The following COL15A1 variants were observed in gnomAD, a reference collection of about 807,000 sequenced individuals.
COL15A1 encodes collagen alpha-1(XV) chain.
In COL15A1, 111 loss-of-function variants were observed where a neutral mutation model predicts 165.9. That is an observed-to-expected ratio of 0.67 (90% CI 0.57 to 0.78). The LOEUF is 0.78. COL15A1 is among the 30% of genes least tolerant of loss of function. The pLI, the probability that COL15A1 is intolerant of heterozygous loss-of-function variation, is 0.00. For synonymous variants in COL15A1, 659 were observed against 674.8 expected, an observed-to-expected ratio of 0.98 and a Z score of 0.36; for missense variants, 1,745 against 1,789.7, an observed-to-expected ratio of 0.98 and a Z score of 0.45.
At chr9:99,065,146 C>T (rs1409309959) in intron 39 of COL15A1, among the ~76,000 whole-genome samples, 1 of 152,230 alleles carries the variant, frequency 6.6e-6, no homozygotes, top group African/African-American at 2.4e-5. Flanking sequence ...CCAATCTCGT[C>T]ATTCAGAAAC....
chr9:98,976,871 C>T (rs947147334), intron 2 of COL15A1, among the ~76,000 whole-genome samples: 1 of 152,080 alleles, frequency 6.6e-6, no homozygotes, highest in African/African-American at 2.4e-5. Flanking sequence ...CCCAGACTAC[C>T]TGGTGGGGGA....
At chr9:98,989,321 G>A (rs1211917090) in intron 5 of COL15A1, 63 bp downstream of exon 5, 2 of 1,358,446 alleles carry the variant, frequency 1.5e-6, no homozygotes, top group Non-Finnish European at 1.0e-6. Context: ...AGAATTACTA[G>A]AGGGGGCCCA....
At chr9:98,953,591 G>A (rs1837726236) in intron 2 of COL15A1, among the ~76,000 whole-genome samples, 1 of 152,164 alleles carries the variant, frequency 6.6e-6, no homozygotes, top group South Asian at 2.1e-4. Context: ...GTTCATATTT[G>A]TTGCATACCA....
At chr9:99,026,844 C>G (rs1366383343) in intron 16 of COL15A1, among the ~76,000 whole-genome samples, 1 of 152,212 alleles carries the variant, frequency 6.6e-6, no homozygotes, top group Non-Finnish European at 1.5e-5. Flanking sequence ...GCCAGTGACA[C>G]TAAAGGTGTT....
chr9:98,989,276 G>C lies in COL15A1; in HGVS notation c.804+18G>C. On this transcript the variant is annotated intron_variant, in intron 5 of 41. Coordinates refer to ENST00000375001, the MANE Select transcript of COL15A1 (RefSeq NM_001855.5). ...AAGCCTCGGTGAGTACTGGGATGCT[G>C]TGCCATGTGATCTTGCTCAGCTTTT... The C allele has an allele frequency of 1.3e-6, 2 of 1,596,480 alleles. No homozygotes were observed. Among genetic ancestry groups the C allele is most frequent in the South Asian group, 2.2e-5 (2 of 90,526 alleles).
At position 99,035,397 on chromosome 9, in the gene COL15A1, C is replaced by G. The variant is rs35494947; in HGVS notation, c.2268C>G (p.Leu756=). The part of the protein sequence containing the change: ...GSTQLLNEPK[L]SRPTAAIGLK... ...CCCAGCTATTGAATGAACCCAAACT[C>G]TCCAGACCAACGGCTGCAATTGTAG... is the stretch of plus-strand genomic sequence containing the variant. Residue 756 remains leucine, a synonymous_variant, in exon 19 of 42, where the codon CTC becomes CTG. Coordinates refer to ENST00000375001, the MANE Select transcript of COL15A1 (RefSeq NM_001855.5). The G allele has an allele frequency of 0.012, 19,276 of 1,614,180 alleles. 138 individuals are homozygous for G. The highest frequency in any genetic ancestry group is 0.014 in the Non-Finnish European group (16,592 of 1,180,018).
chr9:99,016,174 A>G (rs1838932409), intron 11 of COL15A1, 55 bp downstream of exon 11: 15 of 1,526,100 alleles, frequency 9.8e-6, no homozygotes, highest in Non-Finnish European at 9.7e-6. Context: ...GGGGAGAGAA[A>G]GAAAGGCCAG....
chr9:98,986,739 G>A (rs1227518546), intron 3 of COL15A1, among the ~76,000 whole-genome samples: 1 of 152,210 alleles, frequency 6.6e-6, no homozygotes, highest in Non-Finnish European at 1.5e-5. Context: ...AGCACCACGG[G>A]GTGGAGTTTG....
At chr9:99,043,829 A>G (rs143295948) in intron 24 of COL15A1, among the ~76,000 whole-genome samples, 26 of 152,266 alleles carry the variant, frequency 1.7e-4, no homozygotes, top group African/African-American at 6.0e-4. Flanking sequence ...TGTTCTCTTG[A>G]CAATCATCTT....
Position 99,024,863 on chromosome 9 carries a change from T to C in COL15A1, c.1855-11T>C, listed in dbSNP as rs1276212727. 1 of 1,610,940 alleles carries C rather than the reference T, an allele frequency of 6.2e-7. No homozygotes were observed. The highest frequency in any genetic ancestry group is 1.7e-5 in the Admixed American group (1 of 59,128). ...CCCCCACTGTTTCTAACAGAGTCTT[T>C]GTGTTTTTAGGGTCCTCCAGGACCC... On this transcript the variant is annotated splice_polypyrimidine_tract_variant and intron_variant, in intron 14 of 41. Transcript: ENST00000375001.
Position 98,997,174 on chromosome 9 carries a change from A to G in COL15A1, c.952+93A>G, listed in dbSNP as rs1838563693. ...CCATGTATGTAACATACAGAATCTC[A>G]TTTAACCTTCCCCTCAACCCTTTAA... On this transcript the variant is annotated intron_variant, in intron 6 of 41. Coordinates refer to ENST00000375001, the MANE Select transcript of COL15A1 (RefSeq NM_001855.5). The G allele has an allele frequency of 3.5e-6, 5 of 1,428,574 alleles. No homozygotes were observed. In the South Asian group the frequency reaches 3.8e-5, roughly 11 times the overall value. 88.5% of individuals were successfully genotyped at this position (1,428,574 alleles called of 1,614,324 possible).
At position 98,989,006 on chromosome 9, in the gene COL15A1, C is replaced by T. The variant is rs545871739; in HGVS notation, c.724-172C>T. Among the ~76,000 whole-genome samples, 6 of 148,170 alleles carry T rather than the reference C, an allele frequency of 4.0e-5. No individual in the cohort carries two copies. In the Admixed American group the frequency reaches 4.1e-4, roughly 10 times the overall value. On this transcript the variant is annotated intron_variant, in intron 4 of 41. Coordinates refer to ENST00000375001, the MANE Select transcript of COL15A1 (RefSeq NM_001855.5). ...CTGCACACACGCTGTCTCCTTAACC[C>T]CACTCCGTCTCTCATAGACACACAC...
At chr9:99,059,814 C>A in intron 35 of COL15A1, 75 bp from the exon 36 acceptor site, 1 of 1,534,648 alleles carries the variant, frequency 6.5e-7, no homozygotes, top group Non-Finnish European at 8.9e-7. Context: ...CACTTCTCTC[C>A]GGGAGTCAGC....
At chr9:99,043,676 C>T (rs549522518) in intron 24 of COL15A1, among the ~76,000 whole-genome samples, 1 of 152,254 alleles carries the variant, frequency 6.6e-6, no homozygotes, top group African/African-American at 2.4e-5. Context: ...GGCTGCTCTG[C>T]TTGCTTTGAT....
chr9:98,953,517 C>T (rs1837725107), intron 2 of COL15A1, among the ~76,000 whole-genome samples: 1 of 152,150 alleles, frequency 6.6e-6, no homozygotes, highest in African/African-American at 2.4e-5. Flanking sequence ...CCCAATCCAA[C>T]CCAACCCAAC....
chr9:99,054,128 G>A (rs1825673528), intron 31 of COL15A1, among the ~76,000 whole-genome samples: 2 of 152,220 alleles, frequency 1.3e-5, no homozygotes, highest in Admixed American at 6.5e-5. Flanking sequence ...GCCCTTGGTT[G>A]TCCTGTGCGG....
chr9:98,955,836 TCTC>T lies in COL15A1; in HGVS notation c.100+11590_100+11592del, dbSNP rs1175919576. Among the ~76,000 whole-genome samples, 3 of 152,214 alleles carry T rather than the reference TCTC, an allele frequency of 2.0e-5. No individual in the cohort carries two copies. In the East Asian group the frequency reaches 5.8e-4, roughly 29 times the overall value. On this transcript the variant is annotated intron_variant, in intron 2 of 41. Coordinates refer to ENST00000375001, the MANE Select transcript of COL15A1 (RefSeq NM_001855.5). ...TCTGAAATAGGCCCAGCCAACTGCT[TCTC>T]CTCTCCAACTACAATCTTAGTGGCT...
intron 16 of COL15A1, among the ~76,000 whole-genome samples, chr9:99,030,381 G>A (rs886510071): frequency 5.9e-5 from 9 of 152,132 alleles, no homozygotes; most frequent in African/African-American, 2.2e-4. Flanking sequence ...TCACCATTTT[G>A]GGAATAGGAG....
intron 40 of COL15A1, among the ~76,000 whole-genome samples, chr9:99,067,600 C>T (rs1007249936): frequency 6.6e-6 from 1 of 152,192 alleles, no homozygotes; most frequent in Admixed American, 6.5e-5. Context: ...AGAGAAACCT[C>T]GTTGCCACTC....
Sources: allele counts gnomAD v4.1 joint callset (sites outside exome capture counted in the v4.1 genomes callset), GRCh38; gene constraint gnomAD v4.1.1; transcripts MANE v1.5; gene names NCBI Gene and HGNC (gene_info 2026-07-23, HGNC 2026-07-21).